The following S100Z variants were observed in gnomAD, a reference collection of about 807,000 sequenced individuals.
S100Z encodes protein S100-Z.
In S100Z, 11 loss-of-function variants were observed where a neutral mutation model predicts 8.5. That is an observed-to-expected ratio of 1.30 (90% CI 0.82 to 2.15). The LOEUF (loss-of-function observed/expected upper bound fraction) is 2.15. S100Z is among the 30% of genes most tolerant of loss of function. S100Z has a pLI of 0.00. For missense variants in S100Z, 126 were observed against 117.9 expected (o/e 1.07, Z -0.32); for synonymous variants, 34 against 43.8 (o/e 0.78, Z 0.89).
At chr5:76,863,511 A>G (rs1244834427) in intron 1 of S100Z, among the ~76,000 whole-genome samples, 2 of 152,186 alleles carry the variant, frequency 1.3e-5, no homozygotes, top group Non-Finnish European at 2.9e-5. Flanking sequence ...TGTGTCCTCA[A>G]TTATATTATC....
At chr5:76,867,225 T>C (rs1742785769) in intron 1 of S100Z, among the ~76,000 whole-genome samples, 1 of 152,208 alleles carries the variant, frequency 6.6e-6, no homozygotes, top group Non-Finnish European at 1.5e-5. Context: ...CCCTCAAAAG[T>C]GTCCACCCTT....
At chr5:76,911,521 G>A (rs1744659633) in intron 4 of S100Z, among the ~76,000 whole-genome samples, 1 of 152,168 alleles carries the variant, frequency 6.6e-6, no homozygotes, top group Admixed American at 6.5e-5. Flanking sequence ...AACTTATGTG[G>A]ACCGTCTTGC....
chr5:76,862,112 G>T (rs972930284), intron 1 of S100Z, among the ~76,000 whole-genome samples: 8 of 136,430 alleles, frequency 5.9e-5, no homozygotes, highest in Non-Finnish European at 1.1e-4. Context: ...TCTCATGCTG[G>T]CAGGGATAAG....
downstream of S100Z, among the ~76,000 whole-genome samples, chr5:76,922,092 A>G (rs1031624282): frequency 2.0e-5 from 3 of 152,070 alleles, no homozygotes; most frequent in Non-Finnish European, 4.4e-5. Flanking sequence ...TACCCCAAAG[A>G]CTGTGCTTTG....
intron 4 of S100Z, among the ~76,000 whole-genome samples, chr5:76,905,897 G>A (rs897274688): frequency 6.6e-6 from 1 of 151,760 alleles, no homozygotes; most frequent in East Asian, 1.9e-4. Flanking sequence ...TGGTATGATC[G>A]TGGTCACTGC....
intron 4 of S100Z, among the ~76,000 whole-genome samples, chr5:76,912,046 G>T (rs1744681639): frequency 6.6e-6 from 1 of 151,812 alleles, no homozygotes; most frequent in Non-Finnish European, 1.5e-5. Flanking sequence ...AATTGATGTA[G>T]TAGCAAAAGG....
chr5:76,872,067 T>C (rs1743029044), intron 2 of S100Z, among the ~76,000 whole-genome samples: 1 of 151,496 alleles, frequency 6.6e-6, no homozygotes, highest in South Asian at 2.1e-4. Context: ...TGAGACCTCA[T>C]CTCTAAAAAA....
At chr5:76,947,206 C>A in the S100Z span, among the ~76,000 whole-genome samples, 1 of 151,222 alleles carries the variant, frequency 6.6e-6, no homozygotes. Context: ...TCCTGGCCCC[C>A]CCATGTATTC....
chr5:76,939,011 A>G, the S100Z span, among the ~76,000 whole-genome samples: 1 of 152,168 alleles, frequency 6.6e-6, no homozygotes, highest in East Asian at 1.9e-4. Context: ...CAAATGATAT[A>G]TTTCTTTAGG....
At chr5:76,912,777 A>G (rs1322116681) in intron 4 of S100Z, among the ~76,000 whole-genome samples, 3 of 152,202 alleles carry the variant, frequency 2.0e-5, no homozygotes, top group African/African-American at 7.2e-5. Flanking sequence ...AAGGGAGAAC[A>G]GCAGCATAAG....
intron 4 of S100Z, among the ~76,000 whole-genome samples, chr5:76,894,196 A>T (rs1743957822): frequency 6.6e-6 from 1 of 152,242 alleles, no homozygotes; most frequent in Admixed American, 6.5e-5. Flanking sequence ...CTCTTATTGC[A>T]ACCTAGACAT....
At chr5:76,950,670 G>C in the S100Z span, among the ~76,000 whole-genome samples, 1 of 152,126 alleles carries the variant, frequency 6.6e-6, no homozygotes, top group Non-Finnish European at 1.5e-5. Context: ...GAAAGTAATG[G>C]AGGTTAACAT....
intron 1 of S100Z, among the ~76,000 whole-genome samples, chr5:76,866,125 C>T (rs985869739): frequency 1.3e-5 from 2 of 151,542 alleles, no homozygotes; most frequent in African/African-American, 4.9e-5. Flanking sequence ...TGCTCTGTCA[C>T]CCAGGCTGGA....
chr5:76,855,255 G>GA (rs1355976777), intron 1 of S100Z, among the ~76,000 whole-genome samples: 1 of 152,242 alleles, frequency 6.6e-6, no homozygotes, highest in Admixed American at 6.5e-5. Flanking sequence ...AGAGCTATGA[G>GA]AAGAGGGCCA....
At chr5:76,930,700 A>G in the S100Z span, among the ~76,000 whole-genome samples, 2 of 152,170 alleles carry the variant, frequency 1.3e-5, no homozygotes, top group African/African-American at 4.8e-5. Context: ...AATTCTATTT[A>G]ATACCACTGA....
At chr5:76,864,829 C>A (rs1751209123) in intron 1 of S100Z, among the ~76,000 whole-genome samples, 1 of 152,144 alleles carries the variant, frequency 6.6e-6, no homozygotes, top group Admixed American at 6.5e-5. Context: ...CTGCCTCAGC[C>A]TCCCTAGTAG....
chr5:76,942,661 TTCA>T, the S100Z span, among the ~76,000 whole-genome samples: 14 of 152,186 alleles, frequency 9.2e-5, no homozygotes, highest in African/African-American at 3.4e-4. Context: ...GTATCAGCTC[TTCA>T]TCCACTTCCT....
At chr5:76,865,671 T>A (rs1308642532) in intron 1 of S100Z, among the ~76,000 whole-genome samples, 1 of 151,846 alleles carries the variant, frequency 6.6e-6, no homozygotes, top group African/African-American at 2.4e-5. Flanking sequence ...TCAAGTGAAG[T>A]GTTATTACAA....
chr5:76,864,923 G>A (rs1054990239), intron 1 of S100Z, among the ~76,000 whole-genome samples: 1 of 150,998 alleles, frequency 6.6e-6, no homozygotes, highest in African/African-American at 2.4e-5. Flanking sequence ...TGGCCAGGCT[G>A]GTTTCAAACT....
Sources: gnomAD v4.1 joint callset for allele counts (sites outside exome capture counted in the v4.1 genomes callset) on GRCh38, gnomAD v4.1.1 for gene constraint, MANE v1.5 for transcripts, NCBI Gene and HGNC (gene_info 2026-07-23, HGNC 2026-07-21) for gene names.